NCOA1: variants seen among roughly 807,000 people sequenced by gnomAD.
NCOA1 encodes nuclear receptor coactivator 1.
In NCOA1, 35 loss-of-function variants were observed where a neutral mutation model predicts 150.9. The observed-to-expected ratio is 0.23, with a 90% CI of 0.18 to 0.31. NCOA1 has a LOEUF of 0.31. Among genes scored for constraint, NCOA1 ranks in the 10% least tolerant of loss-of-function variants. The probability of loss-of-function intolerance (pLI) is 1.00; values close to 1 mark genes in which losing one functional copy is unlikely to be tolerated. For synonymous variants in NCOA1, 590 were observed against 630.0 expected (o/e 0.94, Z 0.95); for missense variants, 1,491 against 1,749.3 (o/e 0.85, Z 2.63).
chr2:24,642,412 T>C (rs1321957463), intron 3 of NCOA1, among the ~76,000 whole-genome samples: 1 of 151,746 alleles, frequency 6.6e-6, no homozygotes, highest in Non-Finnish European at 1.5e-5. Flanking sequence ...CTAAATCATC[T>C]TGTGGTGTGT....
At chr2:24,703,213 G>A (rs1376183284) in intron 11 of NCOA1, among the ~76,000 whole-genome samples, 2 of 152,168 alleles carry the variant, frequency 1.3e-5, no homozygotes, top group East Asian at 3.8e-4. Flanking sequence ...AAATGACAGT[G>A]AGAGGTCAAG....
At chr2:24,521,035 G>A (rs576440748) in intron 1 of NCOA1, among the ~76,000 whole-genome samples, 4 of 151,496 alleles carry the variant, frequency 2.6e-5, no homozygotes, top group African/African-American at 7.3e-5. Context: ...GCTTCATAAC[G>A]CTCTCAACTC....
chr2:24,605,604 T>G (rs1345232363), intron 3 of NCOA1, among the ~76,000 whole-genome samples: 1 of 152,210 alleles, frequency 6.6e-6, no homozygotes, highest in Admixed American at 6.5e-5. Flanking sequence ...TGCTGAGTTA[T>G]GGGGTTTGTG....
At chr2:24,746,558 CAT>C (rs1663931596) in intron 19 of NCOA1, among the ~76,000 whole-genome samples, 1 of 152,046 alleles carries the variant, frequency 6.6e-6, no homozygotes. Context: ...CAAAAACAAA[CAT>C]AGTCTAGGCA....
At chr2:24,513,571 G>C (rs1171669297) in intron 1 of NCOA1, among the ~76,000 whole-genome samples, 1 of 152,108 alleles carries the variant, frequency 6.6e-6, no homozygotes, top group African/African-American at 2.4e-5. Context: ...TTTCTATAGA[G>C]AGCTTGTAAG....
At chr2:24,549,188 C>T (rs1665727427) in intron 1 of NCOA1, among the ~76,000 whole-genome samples, 1 of 152,222 alleles carries the variant, frequency 6.6e-6, no homozygotes, top group Admixed American at 6.5e-5. Flanking sequence ...CTCACAGGCT[C>T]AACACCATGT....
chr2:24,522,177 T>C (rs1664444245), intron 1 of NCOA1, among the ~76,000 whole-genome samples: 1 of 152,210 alleles, frequency 6.6e-6, no homozygotes, highest in Admixed American at 6.5e-5. Flanking sequence ...GACTGACTCA[T>C]TTTCTCTTAA....
intron 4 of NCOA1, among the ~76,000 whole-genome samples, chr2:24,652,408 A>G (rs1033778398): frequency 5.3e-5 from 8 of 152,118 alleles, no homozygotes; most frequent in African/African-American, 1.7e-4. Flanking sequence ...CCTTCATACA[A>G]CTATTAACTT....
chr2:24,683,450 AAGAG>A (rs1672267102), intron 8 of NCOA1, among the ~76,000 whole-genome samples: 1 of 152,206 alleles, frequency 6.6e-6, no homozygotes, highest in Admixed American at 6.5e-5. Flanking sequence ...AGAAATGAGA[AAGAG>A]AGGGAGTGAG....
intron 1 of NCOA1, among the ~76,000 whole-genome samples, chr2:24,532,092 A>G (rs932186190): frequency 4.7e-4 from 71 of 152,130 alleles, no homozygotes; most frequent in African/African-American, 9.2e-4. Context: ...ATGTGTTCCT[A>G]TTTCTCCACA....
chr2:24,707,677 A>T lies in NCOA1; in HGVS notation c.2207A>T (p.Asp736Val). Residue 736 changes from aspartate (D) to valine (V), a missense_variant, in exon 13 of 23, where the codon GAT becomes GTT. By Grantham distance (152) the Asp-to-Val change is radical. Around this residue, in one of 8 missense-constraint regions of NCOA1, gnomAD observed 703 missense variants for 717.7 expected, o/e 0.98. Transcript: ENST00000348332. ...QGNSSIKLEL[D>V]ASKKKESKDH... ...AACTCCAGTATAAAACTAGAACTGG[A>T]TGCTTCAAAGAAAAAAGAATCAAAA... The T allele has an allele frequency of 6.2e-7, 1 of 1,614,224 alleles. No homozygotes were observed. The highest frequency in any genetic ancestry group is 8.5e-7 in the Non-Finnish European group (1 of 1,180,032).
chr2:24,516,565 A>G (rs1011041132), intron 1 of NCOA1, among the ~76,000 whole-genome samples: 4 of 151,698 alleles, frequency 2.6e-5, no homozygotes, highest in South Asian at 2.1e-4. Flanking sequence ...CAGTGACATT[A>G]TGTCACTGCT....
At chr2:24,621,154 G>GGGA (rs1669134231) in intron 3 of NCOA1, among the ~76,000 whole-genome samples, 1 of 152,026 alleles carries the variant, frequency 6.6e-6, no homozygotes, top group Non-Finnish European at 1.5e-5. Context: ...GTGGGGGGTG[G>GGGA]GGAGGAGTTC....
rs146766732 is a variant in NCOA1 at position 24,678,042 on chromosome 2, C to T, written c.354+4579C>T. Reference sequence around the variant, plus strand: ...CCTCATACTCCCCCTCCTGCCACCCCTGCCCCCAACAGGCCTCAGTGTGTG... The same window carrying T: ...CCTCATACTCCCCCTCCTGCCACCCTTGCCCCCAACAGGCCTCAGTGTGTG... On this transcript the variant is annotated intron_variant, in intron 7 of 22. Coordinates refer to ENST00000348332, the MANE Select transcript of NCOA1 (RefSeq NM_003743.5). 3.4e-3 allele frequency among the ~76,000 whole-genome samples: 522 copies of T among 152,216 alleles called. 2 individuals carry two copies. The highest frequency in any genetic ancestry group is 0.012 in the African/African-American group (499 of 41,528).
At chr2:24,660,298 C>T (rs1350538801) in intron 5 of NCOA1, among the ~76,000 whole-genome samples, 8 of 151,718 alleles carry the variant, frequency 5.3e-5, no homozygotes, top group Non-Finnish European at 8.8e-5. Context: ...AGAATATAGG[C>T]GAAGACACTA....
At chr2:24,557,002 G>T (rs969256868) in intron 1 of NCOA1, among the ~76,000 whole-genome samples, 1 of 150,890 alleles carries the variant, frequency 6.6e-6, no homozygotes, top group African/African-American at 2.4e-5. Flanking sequence ...ATTCATTGTT[G>T]TTGTTGGGTT....
chr2:24,687,401 C>T (rs529526360), intron 8 of NCOA1, among the ~76,000 whole-genome samples: 2 of 151,350 alleles, frequency 1.3e-5, no homozygotes, highest in Non-Finnish European at 2.9e-5. Context: ...GGTACATGTG[C>T]AAGGTTTGTT....
At chr2:24,641,976 A>G (rs548020338) in intron 3 of NCOA1, among the ~76,000 whole-genome samples, 55 of 150,678 alleles carry the variant, frequency 3.7e-4, no homozygotes, top group African/African-American at 1.3e-3. Flanking sequence ...CATCAATTAC[A>G]TGCTTGGTAT....
chr2:24,598,958 T>C (rs1425738127), intron 3 of NCOA1, among the ~76,000 whole-genome samples: 1 of 152,144 alleles, frequency 6.6e-6, no homozygotes, highest in Non-Finnish European at 1.5e-5. Flanking sequence ...GAGTGGTTGC[T>C]AAGCCCAAGT....
Sources: allele counts gnomAD v4.1 joint callset (sites outside exome capture counted in the v4.1 genomes callset), GRCh38; gene constraint gnomAD v4.1.1; regional missense constraint gnomAD v4.1.1; transcripts MANE v1.5; gene names NCBI Gene and HGNC (gene_info 2026-07-23, HGNC 2026-07-21).